The following MSR1 variants were observed in gnomAD, a reference collection of about 807,000 sequenced individuals.
The protein encoded by MSR1 is macrophage scavenger receptor 1.
MSR1 carries 53 observed loss-of-function variants against 47.2 expected under a neutral mutation model. That is an observed-to-expected ratio of 1.12 (90% CI 0.90 to 1.41). The LOEUF (loss-of-function observed/expected upper bound fraction) is 1.41, where lower values mean the gene tolerates loss of function less well. Ranked by LOEUF, MSR1 falls within the 40% of genes most tolerant of loss-of-function variation. The pLI is 0.00. For synonymous variants in MSR1, 239 were observed against 185.6 expected, an observed-to-expected ratio of 1.29 and a Z score of -2.34; for missense variants, 786 against 546.9, an observed-to-expected ratio of 1.44 and a Z score of -4.36.
At chr8:16,172,480 G>A (rs1193059557) in intron 3 of MSR1, among the ~76,000 whole-genome samples, 1 of 152,024 alleles carries the variant, frequency 6.6e-6, no homozygotes, top group Non-Finnish European at 1.5e-5. Context: ...TATTTTTATT[G>A]GAGAGATGGC....
chr8:16,110,819 G>A (rs1207274130), intron 9 of MSR1, among the ~76,000 whole-genome samples: 1 of 152,118 alleles, frequency 6.6e-6, no homozygotes, highest in Non-Finnish European at 1.5e-5. Context: ...GATTAAGAAT[G>A]CTACTGATTG....
chr8:16,145,375 AG>A (rs1800669904), intron 7 of MSR1, among the ~76,000 whole-genome samples: 1 of 152,132 alleles, frequency 6.6e-6, no homozygotes, highest in Non-Finnish European at 1.5e-5. Flanking sequence ...GTTAAAAATT[AG>A]GGAAGGGAGG....
chr8:16,178,103 C>CTAT (rs1801710543), intron 1 of MSR1, 111 bp from the exon 2 acceptor site: 3 of 654,324 alleles, frequency 4.6e-6, no homozygotes, highest in Non-Finnish European at 7.5e-6. Flanking sequence ...TTCAGTTTTT[C>CTAT]TTTTTTTTTT....
chr8:16,116,810 C>T (rs1286330235), intron 9 of MSR1, among the ~76,000 whole-genome samples: 1 of 152,118 alleles, frequency 6.6e-6, no homozygotes, highest in African/African-American at 2.4e-5. Context: ...ATGTTTGTAA[C>T]TCCAGTGGAA....
At chr8:16,112,943 GTTT>G (rs71543671) in intron 9 of MSR1, among the ~76,000 whole-genome samples, 6 of 87,812 alleles carry the variant, frequency 6.8e-5, no homozygotes, top group Admixed American at 1.4e-4. Flanking sequence ...TTTTTTTTAA[GTTT>G]TTTTTTTTTT....
At chr8:16,121,788 A>C (rs1207276526) in intron 8 of MSR1, among the ~76,000 whole-genome samples, 12 of 151,876 alleles carry the variant, frequency 7.9e-5, no homozygotes, top group Non-Finnish European at 1.8e-4. Context: ...CTAATGTGAA[A>C]ATGGAGTTTT....
intron 9 of MSR1, among the ~76,000 whole-genome samples, chr8:16,119,184 C>G (rs1460439778): frequency 6.6e-6 from 1 of 152,122 alleles, no homozygotes. Flanking sequence ...CCTAAAGACT[C>G]TAGAACCTGA....
At chr8:16,114,522 G>A (rs2117050042) in intron 9 of MSR1, among the ~76,000 whole-genome samples, 1 of 152,092 alleles carries the variant, frequency 6.6e-6, no homozygotes, top group Admixed American at 6.6e-5. Context: ...GTTTGCTGCA[G>A]GGAGACCACA....
chr8:16,164,610 C>CA (rs760283538), intron 4 of MSR1, among the ~76,000 whole-genome samples: 1 of 151,940 alleles, frequency 6.6e-6, no homozygotes, highest in Non-Finnish European at 1.5e-5. Flanking sequence ...ACTGTACTTA[C>CA]AGTGGCAACA....
At position 16,155,134 on chromosome 8, in the gene MSR1, T is replaced by C. The variant is rs1424848618; in HGVS notation, c.828A>G (p.Gly276=). ...RNITLIQGPP[G]PPGEKGDRGP... is the part of the protein sequence containing the mutation. ...CTCGATCTCCTTTTTCACCCGGGGGTCCAGGAGGACCTTTAAAAAAATTAC... is the reference window on the plus strand; with the variant it reads ...CTCGATCTCCTTTTTCACCCGGGGGCCCAGGAGGACCTTTAAAAAAATTAC... The change falls in exon 6 of 10, where the codon GGA becomes GGG. Residue 276 remains glycine (G), a synonymous_variant. Coordinates refer to ENST00000262101, the MANE Select transcript of MSR1 (RefSeq NM_138715.3). 2.9e-5 allele frequency: 47 copies of C among 1,611,170 alleles called. No individual in the cohort carries two copies. Among genetic ancestry groups the C allele is most frequent in the Non-Finnish European group, 3.9e-5 (46 of 1,178,276 alleles).
chr8:16,174,736 G>A (rs181131568), intron 3 of MSR1, among the ~76,000 whole-genome samples: 50 of 152,108 alleles, frequency 3.3e-4, no homozygotes, highest in Admixed American at 2.4e-3. Flanking sequence ...TATTTTTTCT[G>A]CTCTCAGTAC....
chr8:16,129,993 T>TG (rs1346532587), intron 8 of MSR1, among the ~76,000 whole-genome samples: 2 of 152,026 alleles, frequency 1.3e-5, no homozygotes, highest in East Asian at 3.9e-4. Context: ...AGTGGAGTGT[T>TG]GGGCCTCTGC....
At chr8:16,122,671 A>T (rs1025277611) in intron 8 of MSR1, among the ~76,000 whole-genome samples, 7 of 152,158 alleles carry the variant, frequency 4.6e-5, no homozygotes, top group Middle Eastern at 3.4e-3. Context: ...ACTAACCTAG[A>T]TGATTGCAGT....
intron 8 of MSR1, among the ~76,000 whole-genome samples, chr8:16,138,807 G>A (rs1800454457): frequency 6.6e-6 from 1 of 152,170 alleles, no homozygotes; most frequent in African/African-American, 2.4e-5. Flanking sequence ...CTAATAGTCA[G>A]GAGTATCTGA....
chr8:16,166,655 T>G (rs1039333777), intron 4 of MSR1, among the ~76,000 whole-genome samples: 2 of 152,098 alleles, frequency 1.3e-5, no homozygotes, highest in Non-Finnish European at 2.9e-5. Context: ...AATTTTGTAG[T>G]CGTACAGTCC....
chr8:16,175,434 C>A (rs1801618239), intron 2 of MSR1, 134 bp from the exon 3 acceptor site: 7 of 793,772 alleles, frequency 8.8e-6, no homozygotes, highest in Non-Finnish European at 1.2e-5. Flanking sequence ...TGTTCCACAT[C>A]TTTGCAGTAG....
chr8:16,146,627 G>T (rs1015568021), intron 7 of MSR1, among the ~76,000 whole-genome samples: 1 of 152,078 alleles, frequency 6.6e-6, no homozygotes, highest in Non-Finnish European at 1.5e-5. Flanking sequence ...TTGAAACTCT[G>T]TGTTTGCCTT....
chr8:16,152,095 ATCC>A (rs1800877097), intron 6 of MSR1, among the ~76,000 whole-genome samples: 1 of 151,918 alleles, frequency 6.6e-6, no homozygotes, highest in African/African-American at 2.4e-5. Context: ...CCTCTTCCTC[ATCC>A]TCCTCCTCAG....
intron 5 of MSR1, among the ~76,000 whole-genome samples, chr8:16,157,484 CTA>C: frequency 6.6e-6 from 1 of 151,988 alleles, no homozygotes; most frequent in African/African-American, 2.4e-5. Context: ...AGAGTTCTAA[CTA>C]GGCATGTTGA....
Sources: gnomAD v4.1 joint callset for allele counts (sites outside exome capture counted in the v4.1 genomes callset) on GRCh38, gnomAD v4.1.1 for gene constraint, MANE v1.5 for transcripts, NCBI Gene and HGNC (gene_info 2026-07-23, HGNC 2026-07-21) for gene names.